CDH18: variants seen among roughly 807,000 people sequenced by gnomAD.
The protein encoded by CDH18 is cadherin-18.
Under a neutral mutation model 67.9 loss-of-function variants are expected in CDH18, and 31 were observed. The observed-to-expected ratio is 0.46, with a 90% CI of 0.34 to 0.62. The LOEUF (loss-of-function observed/expected upper bound fraction) is 0.62. Among genes scored for constraint, CDH18 ranks in the 20% least tolerant of loss-of-function variants. CDH18 has a pLI of 0.01. For synonymous variants in CDH18, 362 were observed against 347.2 expected, an observed-to-expected ratio of 1.04 and a Z score of -0.48; for missense variants, 890 against 975.5, an observed-to-expected ratio of 0.91 and a Z score of 1.17.
At chr5:19,907,078 C>A (rs540157615) in intron 2 of CDH18, among the ~76,000 whole-genome samples, 6 of 152,058 alleles carry the variant, frequency 3.9e-5, no homozygotes, top group African/African-American at 1.2e-4. Context: ...TGTCAGTTAA[C>A]TTAAAAGTTA....
At chr5:20,334,753 T>TACACACACACACACACACACACACAC (rs35282241) in intron 1 of CDH18, among the ~76,000 whole-genome samples, 1 of 138,348 alleles carries the variant, frequency 7.2e-6, no homozygotes, top group African/African-American at 2.6e-5. Context: ...CTCTCTCTCA[T>TACACACACACACACACACACACACAC]ACACACACAC....
rs1247967884 is a variant in CDH18 at position 19,563,367 on chromosome 5, T to C, written c.1253+8212A>G. 2.0e-5 allele frequency among the ~76,000 whole-genome samples: 3 copies of C among 152,194 alleles called. No homozygotes were observed. In the East Asian group the frequency reaches 5.8e-4, roughly 29 times the overall value. ...GAATCAATAATACAGACAGTTTCAG[T>C]GTTGTGAAACAGTTTATGGAATGAT... On this transcript the variant is annotated intron_variant, in intron 8 of 12. Transcript: ENST00000382275.
At chr5:20,168,417 T>A (rs917017263) in intron 2 of CDH18, among the ~76,000 whole-genome samples, 1 of 151,900 alleles carries the variant, frequency 6.6e-6, no homozygotes, top group African/African-American at 2.4e-5. Context: ...AGATTAATAG[T>A]AAAATAGAAA....
At chr5:19,737,888 T>C (rs1768562528) in intron 4 of CDH18, among the ~76,000 whole-genome samples, 1 of 152,128 alleles carries the variant, frequency 6.6e-6, no homozygotes, top group Admixed American at 6.6e-5. Flanking sequence ...AATTTTGAGA[T>C]TTTTTGCTTT....
chr5:20,563,966 G>A (rs113267109), intron 1 of CDH18, among the ~76,000 whole-genome samples: 3,812 of 152,092 alleles, frequency 0.025, 165 homozygotes, highest in African/African-American at 0.087. Flanking sequence ...GGAACCCATG[G>A]TAAGTTTAAT....
At chr5:19,689,953 T>G (rs1302464303) in intron 5 of CDH18, among the ~76,000 whole-genome samples, 1 of 151,518 alleles carries the variant, frequency 6.6e-6, no homozygotes, top group East Asian at 1.9e-4. Context: ...CCCAAGGTGA[T>G]CAGAAGTAGT....
At chr5:19,549,721 G>T (rs111868802) in intron 8 of CDH18, among the ~76,000 whole-genome samples, 15,558 of 141,844 alleles carry the variant, frequency 0.11, 1,193 homozygotes, top group African/African-American at 0.23. Flanking sequence ...AAGGAAGAAA[G>T]GAAGGAAGAA....
At chr5:19,788,942 A>T (rs1011328441) in intron 3 of CDH18, among the ~76,000 whole-genome samples, 2 of 151,852 alleles carry the variant, frequency 1.3e-5, no homozygotes, top group Non-Finnish European at 2.9e-5. Context: ...GCGATAGGGG[A>T]TTGTTTTTGG....
intron 2 of CDH18, among the ~76,000 whole-genome samples, chr5:19,853,101 A>G (rs1783897628): frequency 1.3e-5 from 2 of 152,144 alleles, no homozygotes; most frequent in Admixed American, 6.6e-5. Context: ...ATAACAAAAC[A>G]CCATAGTGTA....
intron 2 of CDH18, among the ~76,000 whole-genome samples, chr5:20,015,408 T>C (rs1737794575): frequency 6.6e-6 from 1 of 152,064 alleles, no homozygotes. Context: ...CATACAATAG[T>C]AAAATCTCAG....
intron 1 of CDH18, among the ~76,000 whole-genome samples, chr5:20,479,187 G>A (rs73764411): frequency 1.3e-5 from 2 of 151,994 alleles, no homozygotes; most frequent in African/African-American, 4.8e-5. Context: ...AAAACAAATA[G>A]GTAACTATTC....
chr5:20,113,117 A>G (rs1361087039), intron 2 of CDH18, among the ~76,000 whole-genome samples: 1 of 152,226 alleles, frequency 6.6e-6, no homozygotes, highest in Non-Finnish European at 1.5e-5. Context: ...GTGATATTTT[A>G]ACTTCTTCAT....
At chr5:20,423,747 C>G (rs1446964498) in intron 1 of CDH18, among the ~76,000 whole-genome samples, 1 of 150,152 alleles carries the variant, frequency 6.7e-6, no homozygotes, top group Non-Finnish European at 1.5e-5. Context: ...AGATCGAGAC[C>G]ATCCTGGCTA....
intron 3 of CDH18, among the ~76,000 whole-genome samples, chr5:19,810,962 G>A (rs1464887373): frequency 6.6e-6 from 1 of 151,636 alleles, no homozygotes; most frequent in Non-Finnish European, 1.5e-5. Flanking sequence ...GGTGAAAGTT[G>A]CAGCGAGCTG....
intron 2 of CDH18, among the ~76,000 whole-genome samples, chr5:20,251,119 T>C (rs2126595736): frequency 6.6e-6 from 1 of 152,272 alleles, no homozygotes; most frequent in African/African-American, 2.4e-5. Context: ...GCTAAGAAAC[T>C]TAGCTCTAAC....
At chr5:20,389,070 G>T (rs2150111808) in intron 1 of CDH18, among the ~76,000 whole-genome samples, 1 of 152,206 alleles carries the variant, frequency 6.6e-6, no homozygotes, top group South Asian at 2.1e-4. Flanking sequence ...TATTAGGTCT[G>T]CTTGGTACAG....
At chr5:19,473,759 A>G (rs1345280951) in intron 12 of CDH18, 43 bp from the exon 13 acceptor site, 4 of 1,464,708 alleles carry the variant, frequency 2.7e-6, no homozygotes, top group Non-Finnish European at 3.7e-6. Flanking sequence ...AGAAAACAGG[A>G]AGGAAATTCT....
At chr5:19,701,783 C>A (rs1763279968) in intron 5 of CDH18, among the ~76,000 whole-genome samples, 1 of 152,078 alleles carries the variant, frequency 6.6e-6, no homozygotes, top group Non-Finnish European at 1.5e-5. Context: ...GCAGACCAGA[C>A]AGAGACAAAA....
chr5:19,821,563 C>T (rs1779884043), intron 3 of CDH18, among the ~76,000 whole-genome samples: 1 of 152,026 alleles, frequency 6.6e-6, no homozygotes, highest in Non-Finnish European at 1.5e-5. Flanking sequence ...GAAATTTTCC[C>T]AATCTTGCTA....
Sources: gnomAD v4.1 joint callset for allele counts (sites outside exome capture counted in the v4.1 genomes callset) on GRCh38, gnomAD v4.1.1 for gene constraint, MANE v1.5 for transcripts, NCBI Gene and HGNC (gene_info 2026-07-23, HGNC 2026-07-21) for gene names.